The following CPNE4 variants were observed in gnomAD, a reference collection of about 807,000 sequenced individuals.
CPNE4 encodes copine-4.
Under a neutral mutation model 67.9 loss-of-function variants are expected in CPNE4, and 25 were observed. The observed-to-expected ratio is 0.37, with a 90% confidence interval of 0.27 to 0.51. The LOEUF is 0.51. Ranked by LOEUF, CPNE4 falls within the 20% of genes least tolerant of loss-of-function variation. CPNE4 has a pLI of 0.93. For synonymous variants in CPNE4, 242 were observed against 244.9 expected (o/e 0.99, Z 0.11); for missense variants, 464 against 690.8 (o/e 0.67, Z 3.68).
At chr3:132,005,342 T>TAC (rs71639016) in intron 1 of CPNE4, among the ~76,000 whole-genome samples, 29 of 86,508 alleles carry the variant, frequency 3.4e-4, no homozygotes, top group East Asian at 1.5e-3. Flanking sequence ...TATATATATA[T>TAC]ACACACACAC....
At chr3:131,568,034 TA>T (rs1937147277) in intron 10 of CPNE4, among the ~76,000 whole-genome samples, 1 of 151,950 alleles carries the variant, frequency 6.6e-6, no homozygotes, top group African/African-American at 2.4e-5. Context: ...CATATCGACC[TA>T]GGGGAGGGTA....
intron 2 of CPNE4, among the ~76,000 whole-genome samples, chr3:131,872,035 T>C (rs932520247): frequency 1.3e-5 from 2 of 152,156 alleles, no homozygotes; most frequent in African/African-American, 2.4e-5. Flanking sequence ...GATGAGATCC[T>C]TGTTCCCCTA....
intron 2 of CPNE4, among the ~76,000 whole-genome samples, chr3:131,735,182 C>T (rs2082207479): frequency 6.6e-6 from 1 of 152,102 alleles, no homozygotes; most frequent in South Asian, 2.1e-4. Flanking sequence ...AAACAGTTTC[C>T]TAAAAAAGCA....
intron 2 of CPNE4, among the ~76,000 whole-genome samples, chr3:131,887,241 C>A (rs569121187): frequency 6.6e-6 from 1 of 152,156 alleles, no homozygotes; most frequent in South Asian, 2.1e-4. Context: ...TCTGCTTTTG[C>A]GTCTTCGTCA....
At chr3:131,576,160 CA>C (rs1937543721) in intron 9 of CPNE4, among the ~76,000 whole-genome samples, 1 of 151,948 alleles carries the variant, frequency 6.6e-6, no homozygotes, top group African/African-American at 2.4e-5. Flanking sequence ...TAGAGAGACC[CA>C]AAAAATCAGT....
At chr3:132,037,509 T>G (rs2074360748), upstream of CPNE4, 9 of 1,428,694 alleles carry the variant, frequency 6.3e-6, no homozygotes, top group Middle Eastern at 3.4e-4. Context: ...CCAGCCACAG[T>G]CCCCTCAACA....
chr3:131,846,684 C>T (rs1381985804), intron 2 of CPNE4, among the ~76,000 whole-genome samples: 1 of 152,188 alleles, frequency 6.6e-6, no homozygotes, highest in Non-Finnish European at 1.5e-5. Context: ...TGAACTCCTA[C>T]CCACACAGTA....
chr3:131,900,598 G>A (rs2088517268), intron 2 of CPNE4, among the ~76,000 whole-genome samples: 1 of 152,112 alleles, frequency 6.6e-6, no homozygotes, highest in African/African-American at 2.4e-5. Flanking sequence ...AAGATAGGGT[G>A]AGATTACTGG....
At chr3:131,791,758 A>T (rs534285949) in intron 2 of CPNE4, among the ~76,000 whole-genome samples, 18 of 152,268 alleles carry the variant, frequency 1.2e-4, no homozygotes, top group African/African-American at 3.8e-4. Flanking sequence ...TACTTAGGTG[A>T]ATCAATTAAC....
At chr3:131,583,533 T>C (rs747074865) in intron 8 of CPNE4, among the ~76,000 whole-genome samples, 2 of 152,210 alleles carry the variant, frequency 1.3e-5, no homozygotes, top group African/African-American at 2.4e-5. Flanking sequence ...TCAAGCAGGA[T>C]ATATTGAGTT....
chr3:131,774,688 T>C (rs897824060), intron 2 of CPNE4, among the ~76,000 whole-genome samples: 1 of 152,122 alleles, frequency 6.6e-6, no homozygotes, highest in Non-Finnish European at 1.5e-5. Context: ...CAGGGTCTTC[T>C]ACCAAGAACT....
At chr3:131,907,745 T>G (rs544896230) in intron 1 of CPNE4, among the ~76,000 whole-genome samples, 1 of 152,276 alleles carries the variant, frequency 6.6e-6, no homozygotes, top group African/African-American at 2.4e-5. Context: ...CCACAAAGCC[T>G]AAAATATTTA....
intron 2 of CPNE4, among the ~76,000 whole-genome samples, chr3:131,839,453 AATTT>A (rs1178785754): frequency 1.3e-5 from 2 of 151,148 alleles, no homozygotes; most frequent in African/African-American, 4.8e-5. Flanking sequence ...ATATTTACTT[AATTT>A]ATGCTGATTT....
At chr3:131,793,496 C>T (rs970161697) in intron 2 of CPNE4, among the ~76,000 whole-genome samples, 10 of 152,142 alleles carry the variant, frequency 6.6e-5, no homozygotes, top group African/African-American at 2.4e-4. Context: ...ACCAAAAATC[C>T]CAAACACCGA....
intron 2 of CPNE4, among the ~76,000 whole-genome samples, chr3:131,801,092 T>C (rs917505022): frequency 6.6e-6 from 1 of 151,962 alleles, no homozygotes. Context: ...TGGATTGTGG[T>C]ACATAAATAT....
At chr3:131,690,208 CA>C (rs1296722639) in intron 5 of CPNE4, among the ~76,000 whole-genome samples, 2 of 151,938 alleles carry the variant, frequency 1.3e-5, no homozygotes, top group South Asian at 2.1e-4. Context: ...TCATATGGAA[CA>C]AAAAAGAGCC....
chr3:131,615,275 G>A lies in CPNE4; in HGVS notation c.682-27693C>T, dbSNP rs1407954422. Among the ~76,000 whole-genome samples the A allele has an allele frequency of 2.6e-5, 4 of 152,180 alleles. No individual in the cohort carries two copies. The East Asian group carries it at 5.8e-4, about 22-fold the overall frequency. On this transcript the variant is annotated intron_variant, in intron 7 of 15. Transcript: ENST00000429747. Reference sequence around the variant, plus strand: ...TGTGATGAGCAGAGCCTTTAACACTGTTGTAAATACAGTTTAGGTCTCCAG... The same window carrying A: ...TGTGATGAGCAGAGCCTTTAACACTATTGTAAATACAGTTTAGGTCTCCAG...
intron 7 of CPNE4, among the ~76,000 whole-genome samples, chr3:131,592,498 C>T (rs765133566): frequency 2.4e-4 from 36 of 152,068 alleles, no homozygotes; most frequent in Non-Finnish European, 4.9e-4. Flanking sequence ...GGTTAACTGC[C>T]ATTTACAGGT....
intron 7 of CPNE4, among the ~76,000 whole-genome samples, chr3:131,644,831 G>C (rs879007011): frequency 4.6e-5 from 7 of 152,192 alleles, no homozygotes; most frequent in African/African-American, 7.2e-5. Context: ...GGAAAGCTGG[G>C]CACAATCTAA....
Sources: gnomAD v4.1 joint callset for allele counts (sites outside exome capture counted in the v4.1 genomes callset) on GRCh38, gnomAD v4.1.1 for gene constraint, MANE v1.5 for transcripts, NCBI Gene and HGNC (gene_info 2026-07-23, HGNC 2026-07-21) for gene names.